SAMD12: variants seen among roughly 807,000 people sequenced by gnomAD.
SAMD12 encodes sterile alpha motif domain containing 12, also known as sterile alpha motif domain-containing protein 12.
In SAMD12, 9 loss-of-function variants were observed where a neutral mutation model predicts 15.0. The observed-to-expected ratio is 0.60, with a 90% confidence interval of 0.36 to 1.05. The LOEUF is 1.05. Among genes scored for constraint, SAMD12 ranks in the 50% least tolerant of loss-of-function variants. The probability of loss-of-function intolerance (pLI) is 0.01; values close to 1 mark genes in which losing one functional copy is unlikely to be tolerated. For synonymous variants in SAMD12, 86 were observed against 90.1 expected, an observed-to-expected ratio of 0.96 and a Z score of 0.25; for missense variants, 230 against 234.2, an observed-to-expected ratio of 0.98 and a Z score of 0.12.
intron 2 of SAMD12, among the ~76,000 whole-genome samples, chr8:118,545,419 A>G (rs1826096900): frequency 6.6e-6 from 1 of 152,176 alleles, no homozygotes. Context: ...GTGAACCAAG[A>G]TCGTGCCATT....
the SAMD12 span, among the ~76,000 whole-genome samples, chr8:118,165,609 T>A: frequency 1.2e-4 from 2 of 16,610 alleles, no homozygotes; most frequent in African/African-American, 2.9e-4. Flanking sequence ...TATACATATA[T>A]ATATGTATAT....
At chr8:118,143,835 T>G in the SAMD12 span, among the ~76,000 whole-genome samples, 1 of 152,190 alleles carries the variant, frequency 6.6e-6, no homozygotes, top group Non-Finnish European at 1.5e-5. Context: ...GCACAGTCAT[T>G]TCCCAGACCC....
At chr8:118,484,292 T>C (rs918317535) in intron 2 of SAMD12, among the ~76,000 whole-genome samples, 1 of 152,184 alleles carries the variant, frequency 6.6e-6, no homozygotes, top group African/African-American at 2.4e-5. Flanking sequence ...GCTTTGTAGT[T>C]CAAAATATCA....
At chr8:118,322,120 C>T in intron 4 of SAMD12, among the ~76,000 whole-genome samples, 1 of 152,160 alleles carries the variant, frequency 6.6e-6, no homozygotes, top group Non-Finnish European at 1.5e-5. Context: ...CTGAAATAGG[C>T]CTCCCACAAT....
chr8:118,509,757 T>G lies in SAMD12; in HGVS notation c.193-69796A>C, dbSNP rs184250033. Among the ~76,000 whole-genome samples the G allele has an allele frequency of 7.8e-3, 1,189 of 152,298 alleles. 12 individuals are homozygous for G. The highest frequency in any genetic ancestry group is 0.025 in the African/African-American group (1,051 of 41,560). On this transcript the variant is annotated intron_variant, in intron 2 of 3. Coordinates refer to ENST00000314727, the MANE Select transcript of SAMD12 (RefSeq NM_207506.3). ...CAACATTTACACATAATTTAAGTGTTTATTTGATTTTTGTCCTTCACATGT... is the reference window on the plus strand; with the variant it reads ...CAACATTTACACATAATTTAAGTGTGTATTTGATTTTTGTCCTTCACATGT...
chr8:118,440,699 C>CAA (rs1554664019), intron 2 of SAMD12, among the ~76,000 whole-genome samples: 10 of 131,108 alleles, frequency 7.6e-5, no homozygotes, highest in East Asian at 6.6e-4. Context: ...CACACACAAA[C>CAA]ACACACACAC....
At chr8:118,536,285 A>C (rs62531913) in intron 2 of SAMD12, among the ~76,000 whole-genome samples, 6,496 of 152,280 alleles carry the variant, frequency 0.043, 184 homozygotes, top group Middle Eastern at 0.11. Flanking sequence ...TAAAATCTTT[A>C]AAATGCTTTC....
intron 4 of SAMD12, among the ~76,000 whole-genome samples, chr8:118,211,035 A>T (rs1811807652): frequency 6.6e-6 from 1 of 152,192 alleles, no homozygotes; most frequent in Non-Finnish European, 1.5e-5. Flanking sequence ...TCGCACACAG[A>T]AAAACCACTA....
chr8:118,153,817 A>T, the SAMD12 span, among the ~76,000 whole-genome samples: 3 of 152,230 alleles, frequency 2.0e-5, no homozygotes, highest in South Asian at 6.2e-4. Context: ...TTCTTACAAG[A>T]AGTAAGAATC....
intron 2 of SAMD12, among the ~76,000 whole-genome samples, chr8:118,464,882 T>C (rs1314069278): frequency 6.6e-6 from 1 of 152,164 alleles, no homozygotes; most frequent in East Asian, 1.9e-4. Context: ...ATTGAAATGG[T>C]CTGGGTTATA....
intron 3 of SAMD12, among the ~76,000 whole-genome samples, chr8:118,407,293 A>C (rs905986318): frequency 1.3e-5 from 2 of 152,000 alleles, no homozygotes; most frequent in African/African-American, 4.8e-5. Flanking sequence ...CAGTAGACAA[A>C]GTTTCCAATT....
chr8:118,255,408 G>A (rs1384735776), intron 4 of SAMD12, among the ~76,000 whole-genome samples: 1 of 151,482 alleles, frequency 6.6e-6, no homozygotes, highest in African/African-American at 2.4e-5. Flanking sequence ...CAACGTGCAG[G>A]TTAGTTACAT....
intron 4 of SAMD12, among the ~76,000 whole-genome samples, chr8:118,260,156 C>T (rs1478475287): frequency 4.6e-5 from 7 of 152,102 alleles, no homozygotes; most frequent in Admixed American, 6.6e-5. Context: ...AACAAAGTCT[C>T]ACAAAATCCC....
At chr8:118,343,880 G>A (rs1032670763) in intron 4 of SAMD12, among the ~76,000 whole-genome samples, 3 of 152,174 alleles carry the variant, frequency 2.0e-5, no homozygotes, top group South Asian at 2.1e-4. Flanking sequence ...TGCAACTTCC[G>A]TTAAGTTACT....
At chr8:118,407,741 A>T (rs1029629143) in intron 3 of SAMD12, among the ~76,000 whole-genome samples, 1 of 152,134 alleles carries the variant, frequency 6.6e-6, no homozygotes, top group African/African-American at 2.4e-5. Flanking sequence ...CCATTATCAT[A>T]AAAGACATCC....
chr8:118,402,198 T>C (rs1395234618), intron 3 of SAMD12, among the ~76,000 whole-genome samples: 6 of 152,076 alleles, frequency 3.9e-5, no homozygotes, highest in Admixed American at 2.6e-4. Flanking sequence ...AAATTAGAGA[T>C]AGAAAAGGCT....
chr8:118,352,559 G>A (rs1222530139), intron 4 of SAMD12, among the ~76,000 whole-genome samples: 2 of 152,150 alleles, frequency 1.3e-5, no homozygotes, highest in Admixed American at 6.5e-5. Flanking sequence ...TTTAGTAATG[G>A]AAGTGTCACC....
chr8:118,374,137 AAC>A (rs1048131220), downstream of SAMD12, among the ~76,000 whole-genome samples: 2 of 152,056 alleles, frequency 1.3e-5, no homozygotes, highest in African/African-American at 4.8e-5. Context: ...TTGTACATGA[AAC>A]ACAAATTCCT....
At chr8:118,434,084 T>C (rs989154995) in intron 3 of SAMD12, among the ~76,000 whole-genome samples, 1 of 152,116 alleles carries the variant, frequency 6.6e-6, no homozygotes, top group African/African-American at 2.4e-5. Flanking sequence ...CGTTAGCAAA[T>C]GCATGGAGCC....
Sources: allele counts gnomAD v4.1 joint callset (sites outside exome capture counted in the v4.1 genomes callset), GRCh38; gene constraint gnomAD v4.1.1; transcripts MANE v1.5; gene names NCBI Gene and HGNC (gene_info 2026-07-23, HGNC 2026-07-21).